The following ABCG2 variants were observed in gnomAD, a reference collection of about 807,000 sequenced individuals.
ABCG2 encodes broad substrate specificity ATP-binding cassette transporter ABCG2.
Under a neutral mutation model 73.5 loss-of-function variants are expected in ABCG2, and 80 were observed. The ratio of observed to expected loss-of-function variants is 1.09; its 90% CI spans 0.91 to 1.31. ABCG2 has a LOEUF of 1.31. Among genes scored for constraint, ABCG2 ranks in the 50% most tolerant of loss-of-function variants. ABCG2 has a pLI of 0.00. For missense variants in ABCG2, 796 were observed against 786.2 expected (o/e 1.01, Z -0.15); for synonymous variants, 269 against 282.4 (o/e 0.95, Z 0.48).
chr4:88,228,983 C>A lies in ABCG2; in HGVS notation c.-20+2011G>T, dbSNP rs549356839. On this transcript the variant is annotated intron_variant, in intron 1 of 15. Coordinates refer to the ABCG2 transcript ENST00000515655. ...ACCAATCAGCACTCTGTAAAAGGGA[C>A]CAATCAGCAGGACATGGGCAGGGCC... Among the ~76,000 whole-genome samples, 49 of 152,268 alleles carry A rather than the reference C, an allele frequency of 3.2e-4. 1 individual carries two copies. The East Asian group carries it at 8.7e-3, about 27-fold the overall frequency.
At chr4:88,186,362 G>A (rs925510825) in intron 1 of ABCG2, among the ~76,000 whole-genome samples, 20 of 152,176 alleles carry the variant, frequency 1.3e-4, no homozygotes, top group Admixed American at 4.6e-4. Flanking sequence ...GGGGCCAGGC[G>A]CAGTGGCTTA....
intron 2 of ABCG2, 103 bp from the exon 3 acceptor site, chr4:88,132,738 A>C: frequency 7.7e-7 from 1 of 1,298,150 alleles, no homozygotes; most frequent in Non-Finnish European, 1.1e-6. Flanking sequence ...ATGAAATTAC[A>C]AATAGAACAC....
intron 1 of ABCG2, among the ~76,000 whole-genome samples, chr4:88,192,718 C>CT (rs1202379857): frequency 5.8e-4 from 79 of 137,118 alleles, no homozygotes; most frequent in East Asian, 3.9e-3. Context: ...TATGCCTGGC[C>CT]TTTTTTTTTT....
chr4:88,208,787 G>A lies in ABCG2; in HGVS notation c.-20+22207C>T, dbSNP rs543100299. ...GCAAATAAATTGAATCCATAAATATGGCCAACCTAACTTATTTCAAGTGTC... is the reference window on the plus strand; with the variant it reads ...GCAAATAAATTGAATCCATAAATATAGCCAACCTAACTTATTTCAAGTGTC... On this transcript the variant is annotated intron_variant, in intron 1 of 15. Transcript: ENST00000515655. Among the ~76,000 whole-genome samples, 14 of 152,202 alleles carry A rather than the reference G, an allele frequency of 9.2e-5. No homozygotes were observed. The East Asian group carries it at 2.7e-3, about 29-fold the overall frequency.
chr4:88,099,419 A>G lies in ABCG2; in HGVS notation c.1397T>C (p.Val466Ala). The G allele has an allele frequency of 6.2e-7, 1 of 1,610,002 alleles. No individual in the cohort carries two copies. Among genetic ancestry groups the G allele is most frequent in the South Asian group, 1.1e-5 (1 of 90,052 alleles). ...IHEYISGYYR[V>A]SSYFLGKLLS... Reference sequence around the variant, plus strand: ...CAGTTTTCCAAGGAAATAAGATGACACTCTGTAGTATCCGCTGATGTATTC... The same window carrying G: ...CAGTTTTCCAAGGAAATAAGATGACGCTCTGTAGTATCCGCTGATGTATTC... Residue 466 changes from valine (V) to alanine (A), a missense_variant, in exon 12 of 16, where the codon GTG becomes GCG. Physicochemically the swap from Val to Ala is moderately conservative, Grantham distance 64 (BLOSUM62 0). Coordinates refer to ENST00000237612, the MANE Select transcript of ABCG2 (RefSeq NM_004827.3).
At chr4:88,101,084 T>C in intron 11 of ABCG2, 146 bp downstream of exon 11, 1 of 617,068 alleles carries the variant, frequency 1.6e-6, no homozygotes. Flanking sequence ...ATATATACAA[T>C]TTTTATTCAT....
At chr4:88,178,727 T>C (rs1190485912) in intron 1 of ABCG2, among the ~76,000 whole-genome samples, 1 of 151,980 alleles carries the variant, frequency 6.6e-6, no homozygotes, top group Non-Finnish European at 1.5e-5. Context: ...CAGCATTCAA[T>C]ACAAGCTGAC....
chr4:88,157,644 A>G (rs1727035527), intron 1 of ABCG2, among the ~76,000 whole-genome samples: 1 of 152,212 alleles, frequency 6.6e-6, no homozygotes, highest in Non-Finnish European at 1.5e-5. Context: ...TTAACATGCC[A>G]TCTTTGTCGT....
intron 1 of ABCG2, among the ~76,000 whole-genome samples, chr4:88,187,916 C>T (rs1052277702): frequency 1.3e-5 from 2 of 152,164 alleles, no homozygotes; most frequent in African/African-American, 2.4e-5. Flanking sequence ...GTTTCAACTA[C>T]AGGCAGGATG....
intron 1 of ABCG2, among the ~76,000 whole-genome samples, chr4:88,189,875 A>G (rs1728615042): frequency 2.0e-5 from 3 of 152,208 alleles, no homozygotes; most frequent in Admixed American, 2.0e-4. Flanking sequence ...GGTTTTTCAT[A>G]CATGGTCTTT....
intron 11 of ABCG2, 70 bp from the exon 12 acceptor site, chr4:88,099,518 C>T: frequency 6.8e-7 from 1 of 1,469,188 alleles, no homozygotes; most frequent in Middle Eastern, 2.3e-4. Flanking sequence ...CTAGACTTGT[C>T]TGTTACAGAC....
chr4:88,218,525 G>A (rs1223426722), intron 1 of ABCG2, among the ~76,000 whole-genome samples: 1 of 152,156 alleles, frequency 6.6e-6, no homozygotes, highest in Non-Finnish European at 1.5e-5. Context: ...GGTGATTTGT[G>A]AAGTTTTGGT....
chr4:88,117,915 G>C (rs1723703211), intron 7 of ABCG2, among the ~76,000 whole-genome samples, 194 bp downstream of exon 7: 1 of 152,118 alleles, frequency 6.6e-6, no homozygotes, highest in Non-Finnish European at 1.5e-5. Flanking sequence ...AGACAAGAAA[G>C]ATACCTAAAT....
chr4:88,203,639 A>C (rs1404742208), intron 1 of ABCG2, among the ~76,000 whole-genome samples: 3 of 151,906 alleles, frequency 2.0e-5, no homozygotes, highest in Admixed American at 6.6e-5. Flanking sequence ...CTGTAATCCC[A>C]GCTACTTGGG....
rs572669531 is a variant in ABCG2 at position 88,229,710 on chromosome 4, G to T, written c.-20+1284C>A. Reference sequence around the variant, plus strand: ...CCATTGCTTTCTTCTCCCCTCAACTGGGGACACAATAGGTATATTTCCTCG... The same window carrying T: ...CCATTGCTTTCTTCTCCCCTCAACTTGGGACACAATAGGTATATTTCCTCG... On this transcript the variant is annotated intron_variant, in intron 1 of 15. Transcript: ENST00000515655. Among the ~76,000 whole-genome samples, 3 of 151,982 alleles carry T rather than the reference G, an allele frequency of 2.0e-5. No homozygotes were observed. The East Asian group carries it at 5.8e-4, about 29-fold the overall frequency.
At chr4:88,230,676 T>A (rs41478845) in intron 1 of ABCG2, among the ~76,000 whole-genome samples, 19,027 of 152,060 alleles carry the variant, frequency 0.13, 1,614 homozygotes, top group Non-Finnish European at 0.18. Flanking sequence ...ATAAATCATG[T>A]GTTCAGCCAA....
chr4:88,225,219 T>TGTA (rs1491397798), intron 1 of ABCG2, among the ~76,000 whole-genome samples: 2 of 152,214 alleles, frequency 1.3e-5, no homozygotes, highest in Admixed American at 6.5e-5. Flanking sequence ...TTGTATGGGC[T>TGTA]GTGTCATGAC....
intron 1 of ABCG2, among the ~76,000 whole-genome samples, chr4:88,164,571 T>A (rs2110088549): frequency 6.6e-6 from 1 of 152,314 alleles, no homozygotes; most frequent in Non-Finnish European, 1.5e-5. Flanking sequence ...TTGCTTCCCC[T>A]TCTGCCATGA....
At chr4:88,103,833 C>A (rs1722604274) in intron 10 of ABCG2, among the ~76,000 whole-genome samples, 1 of 152,198 alleles carries the variant, frequency 6.6e-6, no homozygotes, top group South Asian at 2.1e-4. Context: ...GCTTAGCTTT[C>A]TGCGTTTGGC....
Sources: gnomAD v4.1 joint callset for allele counts (sites outside exome capture counted in the v4.1 genomes callset) on GRCh38, gnomAD v4.1.1 for gene constraint, MANE v1.5 for transcripts, NCBI Gene and HGNC (gene_info 2026-07-23, HGNC 2026-07-21) for gene names.